MAGI2: variants seen among roughly 807,000 people sequenced by gnomAD.
MAGI2 encodes membrane-associated guanylate kinase, WW and PDZ domain-containing protein 2.
In MAGI2, 35 loss-of-function variants were observed where a neutral mutation model predicts 133.3. The observed-to-expected ratio is 0.26, with a 90% CI of 0.20 to 0.35. The LOEUF is 0.35. MAGI2 is among the 10% of genes least tolerant of loss of function. The pLI, the probability that MAGI2 is intolerant of heterozygous loss-of-function variation, is 1.00. For synonymous variants in MAGI2, 729 were observed against 710.6 expected (o/e 1.03, Z -0.41); for missense variants, 1,636 against 1,863.4 (o/e 0.88, Z 2.25).
chr7:79,099,876 T>C (rs905289349), intron 1 of MAGI2, among the ~76,000 whole-genome samples: 1 of 152,214 alleles, frequency 6.6e-6, no homozygotes, highest in African/African-American at 2.4e-5. Context: ...TGGTAATATA[T>C]GTTCATTTTG....
chr7:78,078,080 A>C (rs1306000245), intron 21 of MAGI2: 4 of 151,718 alleles, frequency 2.6e-5, no homozygotes. Flanking sequence ...AAGTGAGTCA[A>C]TTTATCTTAA....
intron 4 of MAGI2, among the ~76,000 whole-genome samples, chr7:78,509,045 G>A (rs1004255615): frequency 1.3e-5 from 2 of 151,946 alleles, no homozygotes; most frequent in African/African-American, 4.8e-5. Context: ...CTGCTAAAAC[G>A]AACAGACTTT....
At chr7:78,934,207 T>G (rs1800347266) in intron 2 of MAGI2, among the ~76,000 whole-genome samples, 1 of 152,158 alleles carries the variant, frequency 6.6e-6, no homozygotes, top group African/African-American at 2.4e-5. Flanking sequence ...GTTCAAGCAA[T>G]TCTCCTGCCT....
intron 6 of MAGI2, among the ~76,000 whole-genome samples, chr7:78,426,553 A>G (rs1041186567): frequency 6.6e-6 from 1 of 152,096 alleles, no homozygotes; most frequent in Non-Finnish European, 1.5e-5. Flanking sequence ...ACATGTATAC[A>G]TATGTAACTA....
intron 7 of MAGI2, among the ~76,000 whole-genome samples, chr7:78,348,813 G>A (rs1380611883): frequency 6.6e-6 from 1 of 152,186 alleles, no homozygotes; most frequent in Admixed American, 6.5e-5. Context: ...TTAGGTTGAA[G>A]TTAGTTGAAT....
intron 9 of MAGI2, among the ~76,000 whole-genome samples, chr7:78,258,751 G>C (rs563444092): frequency 6.6e-4 from 100 of 152,044 alleles, no homozygotes; most frequent in Middle Eastern, 3.4e-3. Flanking sequence ...TATCTATTTT[G>C]ATACTTGTGC....
At chr7:78,830,491 C>T (rs536632442) in intron 2 of MAGI2, among the ~76,000 whole-genome samples, 1 of 152,202 alleles carries the variant, frequency 6.6e-6, no homozygotes, top group South Asian at 2.1e-4. Context: ...CATTCTGCAT[C>T]CATTCTATAA....
chr7:78,248,646 G>T (rs777014278), intron 10 of MAGI2, among the ~76,000 whole-genome samples: 5 of 152,102 alleles, frequency 3.3e-5, no homozygotes, highest in Non-Finnish European at 7.4e-5. Context: ...ATTCATTGGG[G>T]AAAGCATAGC....
At chr7:79,100,492 T>C (rs1330627266) in intron 1 of MAGI2, among the ~76,000 whole-genome samples, 2 of 151,520 alleles carry the variant, frequency 1.3e-5, no homozygotes, top group Non-Finnish European at 3.0e-5. Flanking sequence ...ATATAATATA[T>C]AAATATAATT....
intron 2 of MAGI2, among the ~76,000 whole-genome samples, chr7:78,868,438 C>T (rs1409805558): frequency 6.6e-6 from 1 of 152,140 alleles, no homozygotes; most frequent in Non-Finnish European, 1.5e-5. Flanking sequence ...GGCACCAGAG[C>T]CCATGCTCTA....
At chr7:78,850,410 CG>C (rs1450890701) in intron 2 of MAGI2, among the ~76,000 whole-genome samples, 1 of 152,032 alleles carries the variant, frequency 6.6e-6, no homozygotes, top group Non-Finnish European at 1.5e-5. Context: ...CATTAGGAAA[CG>C]ATGGCATTAT....
At chr7:78,147,863 G>T (rs1823469351) in intron 16 of MAGI2, among the ~76,000 whole-genome samples, 1 of 151,498 alleles carries the variant, frequency 6.6e-6, no homozygotes, top group Non-Finnish European at 1.5e-5. Context: ...ACCCCAAAAT[G>T]ACATACTACT....
chr7:78,184,176 A>G (rs1223287331), intron 13 of MAGI2, among the ~76,000 whole-genome samples: 1 of 152,186 alleles, frequency 6.6e-6, no homozygotes, highest in African/African-American at 2.4e-5. Context: ...CAGTAAGCTG[A>G]GATTTAAAAT....
chr7:78,093,960 C>A (rs773202740), intron 20 of MAGI2, among the ~76,000 whole-genome samples: 5 of 152,198 alleles, frequency 3.3e-5, no homozygotes, highest in Non-Finnish European at 5.9e-5. Flanking sequence ...AGCAACCAAC[C>A]AACCTTCTAT....
chr7:78,761,324 T>A (rs1397539708), intron 2 of MAGI2, among the ~76,000 whole-genome samples: 1 of 152,222 alleles, frequency 6.6e-6, no homozygotes, highest in Non-Finnish European at 1.5e-5. Context: ...TCCATAGTCA[T>A]AATTTGTCTC....
intron 2 of MAGI2, among the ~76,000 whole-genome samples, chr7:78,943,926 T>A (rs1290716411): frequency 6.6e-6 from 1 of 152,212 alleles, no homozygotes; most frequent in Non-Finnish European, 1.5e-5. Context: ...TTTAAACTAA[T>A]ACATGTAATT....
intron 1 of MAGI2, among the ~76,000 whole-genome samples, chr7:79,265,086 C>A (rs1355323802): frequency 6.6e-6 from 1 of 152,084 alleles, no homozygotes; most frequent in East Asian, 1.9e-4. Context: ...ATAATCCAGA[C>A]CATAGCAATT....
At chr7:78,249,034 AT>A (rs1262176609) in intron 10 of MAGI2, among the ~76,000 whole-genome samples, 91 of 152,212 alleles carry the variant, frequency 6.0e-4, no homozygotes, top group African/African-American at 2.0e-3. Context: ...CTAAAAAAAA[AT>A]AATAAAAAAA....
intron 13 of MAGI2, among the ~76,000 whole-genome samples, chr7:78,183,092 A>G (rs901390615): frequency 6.6e-6 from 1 of 152,184 alleles, no homozygotes; most frequent in African/African-American, 2.4e-5. Flanking sequence ...AGAACTTCCT[A>G]CTATCAATTT....
Sources: gnomAD v4.1 joint callset for allele counts (sites outside exome capture counted in the v4.1 genomes callset) on GRCh38, gnomAD v4.1.1 for gene constraint, MANE v1.5 for transcripts, NCBI Gene and HGNC (gene_info 2026-07-23, HGNC 2026-07-21) for gene names.